COLGALT1: variants seen among roughly 807,000 people sequenced by gnomAD.
The protein encoded by COLGALT1 is procollagen galactosyltransferase 1.
A neutral mutation model predicts 60.8 loss-of-function variants in COLGALT1; 43 were observed. The observed-to-expected ratio is 0.71, with a 90% CI of 0.55 to 0.91. The LOEUF is 0.91. Among genes scored for constraint, COLGALT1 ranks in the 40% least tolerant of loss-of-function variants. COLGALT1 has a pLI of 0.00. For synonymous variants in COLGALT1, 369 were observed against 374.2 expected (o/e 0.99, Z 0.16); for missense variants, 845 against 880.0 (o/e 0.96, Z 0.50).
intron 6 of COLGALT1, chr19:17,576,953 A>C: frequency 2.3e-6 from 1 of 433,620 alleles, no homozygotes; most frequent in Non-Finnish European, 3.9e-6. Context: ...CAGGGCTGAG[A>C]GGCAGGACTG....
chr19:17,563,879 G>A (rs2076264079), intron 3 of COLGALT1, among the ~76,000 whole-genome samples: 1 of 150,824 alleles, frequency 6.6e-6, no homozygotes. Context: ...ATGATTGTTT[G>A]AAGGTCCCCC....
In COLGALT1 at chr19:17,581,285, C is replaced by T. The variant is rs930006459; in HGVS notation, c.1710C>T (p.Asp570=). ...CAGGAGACGATGGCTATGTGAGTGA[C>T]ACCGAGACCTCAGTCGTATGGAACA... is the stretch of plus-strand genomic sequence containing the variant. ...HYTGDDGYVS[D]TETSVVWNNE... Residue 570 remains aspartate (D), a synonymous_variant, in exon 12 of 12, where the codon GAC becomes GAT. Coordinates refer to ENST00000252599, the MANE Select transcript of COLGALT1 (RefSeq NM_024656.4). The T allele has an allele frequency of 1.2e-5, 20 of 1,612,616 alleles. No homozygotes were observed. Among genetic ancestry groups the T allele is most frequent in the Non-Finnish European group, 1.5e-5 (18 of 1,180,008 alleles).
chr19:17,578,126 C>T (rs759281861), intron 9 of COLGALT1, 37 bp downstream of exon 9: 5 of 1,527,550 alleles, frequency 3.3e-6, no homozygotes, highest in Admixed American at 3.9e-5. Flanking sequence ...AGAGTTATGA[C>T]TCTAGATCTC....
intron 5 of COLGALT1, among the ~76,000 whole-genome samples, chr19:17,572,253 A>C (rs2076316956): frequency 6.6e-6 from 1 of 151,702 alleles, no homozygotes. Context: ...GGTTGCAGTG[A>C]GCCAAGGTAG....
Position 17,581,180 on chromosome 19 carries a change from C to T in COLGALT1, c.1605C>T (p.Ser535=), listed in dbSNP as rs778596520. The part of the protein sequence containing the change: ...LPVMFDKHPV[S]EYKAHFSLRN... ...ACTCCCCTCCTCCTCCCCCCAGGTC[C>T]GAGTACAAGGCCCACTTCTCCCTCC... The change falls in exon 12 of 12, where the codon TCC becomes TCT. Residue 535 remains serine (S), a synonymous_variant. Transcript: ENST00000252599. 6 of 1,606,146 alleles carry T rather than the reference C, an allele frequency of 3.7e-6. No homozygotes were observed. Among genetic ancestry groups the T allele is most frequent in the African/African-American group, 2.7e-5 (2 of 74,170 alleles).
chr19:17,580,883 G>A lies in COLGALT1; in HGVS notation c.1579G>A (p.Val527Ile), dbSNP rs537124242. ...KMLPVDEFLP[V>I]MFDKHPVSEY... ...GCTGCCTGTGGACGAGTTCCTGCCCGTCATGTTCGACAAACACCCAGTGTG... is the reference window on the plus strand; with the variant it reads ...GCTGCCTGTGGACGAGTTCCTGCCCATCATGTTCGACAAACACCCAGTGTG... Residue 527 changes from valine (V) to isoleucine (I), a missense_variant, in exon 11 of 12, where the codon GTC (valine) becomes ATC (isoleucine). Physicochemically the swap from Val to Ile is conservative, Grantham distance 29 (BLOSUM62 3). Transcript: ENST00000252599. 79 of 1,613,796 alleles carry A rather than the reference G, an allele frequency of 4.9e-5. No individual in the cohort carries two copies. The East Asian group carries it at 8.5e-4, about 17-fold the overall frequency.
At chr19:17,578,950 C>T (rs1425154087) in intron 9 of COLGALT1, among the ~76,000 whole-genome samples, 1 of 152,058 alleles carries the variant, frequency 6.6e-6, no homozygotes, top group African/African-American at 2.4e-5. Flanking sequence ...GCAGAGGTTG[C>T]AGTGGGCTGA....
chr19:17,577,481 CTGGGG>C lies in COLGALT1; in HGVS notation c.1133+15_1133+19del. The C allele has an allele frequency of 5.2e-6, 1 of 193,030 alleles. No individual in the cohort carries two copies. Among genetic ancestry groups the C allele is most frequent in the Non-Finnish European group, 6.4e-6 (1 of 157,288 alleles). The allele number at this position is 193,030 out of a possible 1,614,324, so 12.0% of individuals were successfully genotyped here. A position where few individuals can be genotyped will look rare whatever the true frequency, so the allele number is the denominator to read the frequency against. ...CGTGGACGGCAAGTGAGTCCGAGGC[CTGGGG>C]GTGGGGGGGCGGGTCCGCACGTGGA... On this transcript the variant is annotated intron_variant, in intron 8 of 11. Transcript: ENST00000252599.
chr19:17,576,055 A>G (rs893205957), intron 6 of COLGALT1, among the ~76,000 whole-genome samples: 2 of 152,190 alleles, frequency 1.3e-5, no homozygotes, highest in African/African-American at 4.8e-5. Flanking sequence ...GCCCAGGCCA[A>G]TCAAGAATAT....
intron 6 of COLGALT1, 103 bp from the exon 7 acceptor site, chr19:17,577,092 C>G (rs1000719213): frequency 8.5e-7 from 1 of 1,177,354 alleles, no homozygotes; most frequent in Non-Finnish European, 1.2e-6. Flanking sequence ...CTTTGTGGGC[C>G]GAGCCAGTCT....
intron 2 of COLGALT1, among the ~76,000 whole-genome samples, chr19:17,559,686 GCTCACTGA>G (rs2076236900): frequency 6.6e-6 from 1 of 152,062 alleles, no homozygotes; most frequent in Non-Finnish European, 1.5e-5. Context: ...TTGTTCCCTG[GCTCACTGA>G]CTCAGTCTTG....
intron 3 of COLGALT1, among the ~76,000 whole-genome samples, chr19:17,564,006 T>TGGGAGGATCATTTGAGGTC (rs1222996221): frequency 2.0e-5 from 3 of 151,174 alleles, no homozygotes; most frequent in Non-Finnish European, 4.4e-5. Context: ...GAGGCCAATG[T>TGGGAGGATCATTTGAGGTC]GGGAGGATCA....
At chr19:17,560,291 C>T in intron 2 of COLGALT1, 57 bp from the exon 3 acceptor site, 1 of 1,458,114 alleles carries the variant, frequency 6.9e-7, no homozygotes, top group Non-Finnish European at 9.6e-7. Context: ...CAGCTCAGGC[C>T]CTCGCTGGGC....
intron 2 of COLGALT1, 29 bp downstream of exon 2, chr19:17,559,450 G>T: frequency 6.6e-7 from 1 of 1,520,758 alleles, no homozygotes; most frequent in Non-Finnish European, 8.9e-7. Flanking sequence ...CTCCTAGTCT[G>T]ATTGGGCTTT....
intron 5 of COLGALT1, among the ~76,000 whole-genome samples, chr19:17,572,233 G>A (rs111541222): frequency 0.11 from 16,463 of 151,788 alleles, 973 homozygotes; most frequent in East Asian, 0.25. Flanking sequence ...ACTTGAACCC[G>A]GGAGGCGGAG....
In COLGALT1 at chr19:17,555,669, A is replaced by G. The variant is rs2076205286; in HGVS notation, c.-45A>G. On this transcript the variant is annotated 5_prime_UTR_variant, in exon 1 of 12. Transcript: ENST00000252599. Reference sequence around the variant, plus strand: ...CCTATGACCCCTTTAAGGCGCGGCCAGAGTCCTCCCGCAGAAAAACGACTT... The same window carrying G: ...CCTATGACCCCTTTAAGGCGCGGCCGGAGTCCTCCCGCAGAAAAACGACTT... 8.5e-7 allele frequency: 1 copy of G among 1,170,030 alleles called. No individual in the cohort carries two copies. The allele number at this position is 1,170,030 out of a possible 1,614,324, so 72.5% of individuals were successfully genotyped here. A position where few individuals can be genotyped will look rare whatever the true frequency, so the allele number is the denominator to read the frequency against.
At chr19:17,561,631 CAAAAAAAAAAA>C (rs11332403) in intron 3 of COLGALT1, among the ~76,000 whole-genome samples, 1 of 72,732 alleles carries the variant, frequency 1.4e-5, no homozygotes, top group Non-Finnish European at 2.5e-5. Flanking sequence ...GACTCTGTCT[CAAAAAAAAAAA>C]AAAAAAAAAA....
intron 3 of COLGALT1, among the ~76,000 whole-genome samples, chr19:17,563,388 C>T (rs561792625): frequency 2.6e-5 from 4 of 151,610 alleles, no homozygotes; most frequent in Non-Finnish European, 4.4e-5. Flanking sequence ...CTCACTCTGT[C>T]GCCCAGGCTG....
chr19:17,565,398 C>G (rs1048363420), intron 3 of COLGALT1, among the ~76,000 whole-genome samples: 1 of 152,126 alleles, frequency 6.6e-6, no homozygotes, highest in Non-Finnish European at 1.5e-5. Flanking sequence ...GACTCTTGAC[C>G]TCATGTGATC....
Sources: gnomAD v4.1 joint callset for allele counts (sites outside exome capture counted in the v4.1 genomes callset) on GRCh38, gnomAD v4.1.1 for gene constraint, MANE v1.5 for transcripts, NCBI Gene and HGNC (gene_info 2026-07-23, HGNC 2026-07-21) for gene names.